The following UPP2 variants were observed in gnomAD, a reference collection of about 807,000 sequenced individuals.
UPP2 encodes the protein uridine phosphorylase 2.
Under a neutral mutation model 26.7 loss-of-function variants are expected in UPP2, and 23 were observed. That is an observed-to-expected ratio of 0.86 (90% CI 0.62 to 1.22). UPP2 has a LOEUF of 1.22. UPP2 is among the 50% of genes most tolerant of loss of function. UPP2 has a pLI of 0.00. For missense variants in UPP2, 387 were observed against 396.7 expected, an observed-to-expected ratio of 0.98 and a Z score of 0.21; for synonymous variants, 127 against 141.3, an observed-to-expected ratio of 0.90 and a Z score of 0.72.
chr2:158,027,593 T>C (rs1683853771), intron 3 of UPP2, among the ~76,000 whole-genome samples: 1 of 152,142 alleles, frequency 6.6e-6, no homozygotes, highest in African/African-American at 2.4e-5. Context: ...TGTTGGTGGA[T>C]CTACCATTCT....
intron 3 of UPP2, among the ~76,000 whole-genome samples, chr2:158,083,508 G>A (rs1682761337): frequency 6.6e-6 from 1 of 151,824 alleles, no homozygotes; most frequent in Non-Finnish European, 1.5e-5. Context: ...TGAACAGTGA[G>A]AACACATGGA....
At chr2:158,091,430 T>C (rs985402169) in intron 3 of UPP2, among the ~76,000 whole-genome samples, 2 of 152,158 alleles carry the variant, frequency 1.3e-5, no homozygotes, top group Non-Finnish European at 2.9e-5. Context: ...AACAGAAATA[T>C]GTAGAAAAAA....
chr2:158,067,370 CAA>C (rs113444405), intron 3 of UPP2, among the ~76,000 whole-genome samples: 6,407 of 108,676 alleles, frequency 0.059, 414 homozygotes, highest in African/African-American at 0.17. Flanking sequence ...CATTTATCAT[CAA>C]AAAAAAAAAA....
intron 2 of UPP2, among the ~76,000 whole-genome samples, chr2:158,012,567 T>G (rs1000278486): frequency 6.6e-6 from 1 of 152,118 alleles, no homozygotes; most frequent in African/African-American, 2.4e-5. Context: ...CGTGCCTAGC[T>G]GATATAATTT....
At chr2:158,049,704 G>T (rs1682117663) in intron 3 of UPP2, among the ~76,000 whole-genome samples, 1 of 152,154 alleles carries the variant, frequency 6.6e-6, no homozygotes, top group South Asian at 2.1e-4. Context: ...ATGCATTTGG[G>T]ATCTGAGACC....
At chr2:158,123,660 G>C in intron 5 of UPP2, 89 bp from the exon 6 acceptor site, 1 of 1,493,196 alleles carries the variant, frequency 6.7e-7, no homozygotes, top group Non-Finnish European at 9.1e-7. Context: ...GACAGCGGCA[G>C]CGTGCTCCAG....
chr2:158,133,935 T>G (rs1257334336), intron 6 of UPP2: 1 of 152,244 alleles, frequency 6.6e-6, no homozygotes, highest in Non-Finnish European at 1.5e-5. Context: ...CCACATTCCT[T>G]GAAATCAAAG....
chr2:158,121,509 T>A lies in UPP2; in HGVS notation c.555T>A (p.Ser185Arg). The change falls in exon 5 of 7, where the codon AGT becomes AGA. Residue 185 changes from serine to arginine, a missense_variant. Physicochemically the swap from Ser to Arg is moderately radical, Grantham distance 110. Transcript: ENST00000005756. ...QVILDNIVTRSTELDKELSEE... is the reference protein window; with the variant it reads ...QVILDNIVTRRTELDKELSEE... ...TTTTGGACAACATTGTCACCCGAAG[T>A]ACTGAACTGGACAAAGAACTGTCTG... The A allele has an allele frequency of 6.2e-7, 1 of 1,613,488 alleles. No individual in the cohort carries two copies. Among genetic ancestry groups the A allele is most frequent in the Non-Finnish European group, 8.5e-7 (1 of 1,179,484 alleles).
Position 158,106,864 on chromosome 2 carries a change from T to C in UPP2, c.180+648T>C, listed in dbSNP as rs192500988. On this transcript the variant is annotated intron_variant, in intron 2 of 6. Transcript: ENST00000005756. Reference sequence around the variant, plus strand: ...TAGTCCTGCCACCTAAACATAGACATGATCAACTCATTTTTTTCTTTCAAT... The same window carrying C: ...TAGTCCTGCCACCTAAACATAGACACGATCAACTCATTTTTTTCTTTCAAT... 3.5e-3 allele frequency among the ~76,000 whole-genome samples: 540 copies of C among 152,308 alleles called. 6 individuals are homozygous for C. Among genetic ancestry groups the C allele is most frequent in the Non-Finnish European group, 5.6e-3 (379 of 68,008 alleles).
At chr2:158,022,457 CAAAAA>C (rs11385969) in intron 3 of UPP2, among the ~76,000 whole-genome samples, 1 of 87,896 alleles carries the variant, frequency 1.1e-5, no homozygotes, top group African/African-American at 3.6e-5. Flanking sequence ...AGACTTGTCT[CAAAAA>C]AAAAAAAAAA....
chr2:158,039,094 G>A (rs1383283154), intron 3 of UPP2, among the ~76,000 whole-genome samples: 3 of 152,180 alleles, frequency 2.0e-5, no homozygotes, highest in Non-Finnish European at 2.9e-5. Context: ...TGTCAGGACC[G>A]GCTATAGCAA....
chr2:158,037,336 T>C (rs974865470), intron 3 of UPP2, among the ~76,000 whole-genome samples: 10 of 151,948 alleles, frequency 6.6e-5, no homozygotes, highest in East Asian at 1.9e-4. Context: ...GATTGTGCCA[T>C]TGCACTCCAG....
In UPP2 at chr2:158,090,858, G is replaced by A. The variant is rs536433592; in HGVS notation, c.148-11182G>A. Among the ~76,000 whole-genome samples, 21 of 152,310 alleles carry A rather than the reference G, an allele frequency of 1.4e-4. No individual in the cohort carries two copies. The East Asian group carries it at 3.9e-3, about 28-fold the overall frequency. Reference sequence around the variant, plus strand: ...AACTTGGAATAGGCCCCCGTGCCAAGGTGCTGGGATTCTGCAGGATGTATA... The same window carrying A: ...AACTTGGAATAGGCCCCCGTGCCAAAGTGCTGGGATTCTGCAGGATGTATA... On this transcript the variant is annotated intron_variant, in intron 3 of 9. Transcript: ENST00000605860.
chr2:158,093,830 T>C (rs1486498783), intron 3 of UPP2, among the ~76,000 whole-genome samples: 1 of 151,822 alleles, frequency 6.6e-6, no homozygotes, highest in Non-Finnish European at 1.5e-5. Context: ...ACTGAATACA[T>C]GCAAACATAT....
upstream of UPP2, chr2:158,101,770 G>A (rs1187228457): frequency 1.9e-6 from 2 of 1,032,608 alleles, no homozygotes; most frequent in Non-Finnish European, 1.2e-6. Flanking sequence ...TGGTCAAAGA[G>A]CTAGGATGCC....
chr2:158,119,878 G>T (rs182873045), intron 4 of UPP2, among the ~76,000 whole-genome samples: 101 of 151,856 alleles, frequency 6.7e-4, no homozygotes, highest in African/African-American at 2.4e-3. Context: ...AGGTGTGGGT[G>T]TATGTGCCTG....
chr2:158,041,788 A>G (rs1311157821), intron 3 of UPP2, among the ~76,000 whole-genome samples: 1 of 152,190 alleles, frequency 6.6e-6, no homozygotes, highest in Non-Finnish European at 1.5e-5. Flanking sequence ...AATTGCATAG[A>G]TGTAGTTGAT....
intron 2 of UPP2, among the ~76,000 whole-genome samples, chr2:158,010,008 G>A (rs531954017): frequency 6.6e-6 from 1 of 152,344 alleles, no homozygotes; most frequent in Non-Finnish European, 1.5e-5. Flanking sequence ...TTAGATTGAG[G>A]TGGAAGACAC....
intron 3 of UPP2, among the ~76,000 whole-genome samples, chr2:158,087,074 T>C (rs989694316): frequency 1.3e-5 from 2 of 152,196 alleles, no homozygotes; most frequent in African/African-American, 4.8e-5. Flanking sequence ...TGTCTATTGC[T>C]GTTAGTGGAG....
Sources: allele counts gnomAD v4.1 joint callset (sites outside exome capture counted in the v4.1 genomes callset), GRCh38; gene constraint gnomAD v4.1.1; transcripts MANE v1.5; gene names NCBI Gene and HGNC (gene_info 2026-07-23, HGNC 2026-07-21).